ECEL1: variants seen among roughly 807,000 people sequenced by gnomAD.
The protein encoded by ECEL1 is endothelin-converting enzyme-like 1.
In ECEL1, 87 loss-of-function variants were observed where a neutral mutation model predicts 101.8. The observed-to-expected ratio is 0.85, with a 90% CI of 0.72 to 1.02. The LOEUF is 1.02. Among genes scored for constraint, ECEL1 ranks in the 50% least tolerant of loss-of-function variants. ECEL1 has a pLI of 0.00. For missense variants in ECEL1, 1,032 were observed against 1,079.2 expected, an observed-to-expected ratio of 0.96 and a Z score of 0.61; for synonymous variants, 487 against 468.7, an observed-to-expected ratio of 1.04 and a Z score of -0.50.
chr2:232,483,824 G>A (rs1690647384), intron 7 of ECEL1, among the ~76,000 whole-genome samples, 177 bp downstream of exon 7: 1 of 152,184 alleles, frequency 6.6e-6, no homozygotes, highest in Admixed American at 6.5e-5. Context: ...AAGCTTCCTG[G>A]AGGAGGAGGC....
intron 8 of ECEL1, 52 bp downstream of exon 8, chr2:232,483,364 G>C: frequency 6.4e-7 from 1 of 1,571,942 alleles, no homozygotes; most frequent in Non-Finnish European, 8.7e-7. Context: ...CTGGTACACA[G>C]TAGGTGCTCA....
At chr2:232,483,662 C>A in intron 7 of ECEL1, 148 bp from the exon 8 acceptor site, 1 of 700,322 alleles carries the variant, frequency 1.4e-6, no homozygotes, top group Non-Finnish European at 2.3e-6. Context: ...AGGTGAGGAT[C>A]CAGGCCCTGC....
At chr2:232,484,950 C>A (rs199732983) in intron 4 of ECEL1, 31 bp downstream of exon 4, 1 of 1,612,734 alleles carries the variant, frequency 6.2e-7, no homozygotes, top group South Asian at 1.1e-5. Context: ...TCCCTCAAGC[C>A]CAGGGCAGCC....
At chr2:232,484,328 C>G in intron 6 of ECEL1, 105 bp from the exon 7 acceptor site, 2 of 1,559,516 alleles carry the variant, frequency 1.3e-6, no homozygotes, top group Non-Finnish European at 1.7e-6. Context: ...GACCCAGGAC[C>G]CAGACAGCCC....
chr2:232,484,520 G>A lies in ECEL1; in HGVS notation c.1136C>T (p.Thr379Ile), dbSNP rs1013233150. The A allele has an allele frequency of 6.2e-7, 1 of 1,613,948 alleles. No homozygotes were observed. Among genetic ancestry groups the A allele is most frequent in the Non-Finnish European group, 8.5e-7 (1 of 1,180,020 alleles). ...CTGCGACACCTGCTGCATGTAGTCT[G>A]TCGCCAGCAGCACCACCTCCTCTTC... The part of the protein sequence containing the change: ...SEEEEVVLLA[T>I]DYMQQVSQLI... Residue 379 changes from threonine (T) to isoleucine (I), a missense_variant, in exon 6 of 18, where the codon ACA (threonine) becomes ATA (isoleucine). Transcript: ENST00000304546.
rs1328366719 is a variant in ECEL1, at chr2:232,480,715, C to T, written c.2151+3G>A. ...TCCCAGTCCAATCCCCCACCCAGCC[C>T]ACCTGGGCAAAGGCAATGAAGAAGA... On this transcript the variant is annotated splice_donor_region_variant and intron_variant, in intron 16 of 17. Coordinates refer to ENST00000304546, the MANE Select transcript of ECEL1 (RefSeq NM_004826.4). 5.0e-6 allele frequency: 8 copies of T among 1,613,928 alleles called. No individual in the cohort carries two copies. The East Asian group carries it at 8.9e-5, about 18-fold the overall frequency.
Position 232,480,787 on chromosome 2 carries a change from G to A in ECEL1, c.2082C>T (p.His694=), listed in dbSNP as rs559397283. 1.5e-5 allele frequency: 24 copies of A among 1,613,928 alleles called. No homozygotes were observed. The East Asian group carries it at 1.6e-4, about 10-fold the overall frequency. The stretch of plus-strand genomic sequence containing the variant: ...GCCGGGGAAGTGGGTGCTCTGGGCC[G>A]TGCTCCCGCACCCACTTCTGATAGG... ...YHAYQKWVRE[H]GPEHPLPRLK... Residue 694 remains histidine (H), a synonymous_variant, in exon 16 of 18, where the codon CAC becomes CAT. Transcript: ENST00000304546.
chr2:232,486,610 TG>T lies in ECEL1; in HGVS notation c.43del (p.Gln15LysfsTer6). The T allele has an allele frequency of 6.6e-7, 1 of 1,522,338 alleles. No individual in the cohort carries two copies. 94.3% of individuals were successfully genotyped at this position (1,522,338 alleles called of 1,614,324 possible). Reference protein sequence around the residue: ...YSLTAHYDEFQEVKYVSRCGA... With the variant: ...YSLTAHYDEFXEVKYVSRCGA... ...GCAGCGGCTCACGTACTTGACCTCTTGGAACTCATCGTAGTGCGCCGTCAGC... is the reference window on the plus strand; with the variant it reads ...GCAGCGGCTCACGTACTTGACCTCTTGAACTCATCGTAGTGCGCCGTCAGC... On this transcript the variant is annotated frameshift_variant, in exon 2 of 18. Transcript: ENST00000304546. LOFTEE classifies it high-confidence loss of function.
chr2:232,486,083 G>C lies in ECEL1; in HGVS notation c.571C>G (p.Arg191Gly), dbSNP rs1239757026. 4 of 1,599,400 alleles carry C rather than the reference G, an allele frequency of 2.5e-6. No homozygotes were observed. In the African/African-American group the frequency reaches 5.4e-5, roughly 21 times the overall value. The change falls in exon 2 of 18, where the codon CGC (arginine) becomes GGC (glycine). Residue 191 changes from arginine (R) to glycine (G), a missense_variant. Arg to Gly is a moderately radical substitution (Grantham distance 125). Transcript: ENST00000304546. ...CGCGGGCCCAGTCGCTCGATCTCGC[G>C]CATGTCGAGGCACGAGCGGAAGAAG... is the stretch of plus-strand genomic sequence containing the variant. ...RAFFRSCLDM[R>G]EIERLGPRPM... is the part of the protein sequence containing the mutation.
Position 232,483,866 on chromosome 2 carries a change from G to A in ECEL1, c.1407+135C>T, listed in dbSNP as rs991554408. 46 of 1,000,406 alleles carry A rather than the reference G, an allele frequency of 4.6e-5. No homozygotes were observed. In the East Asian group the frequency reaches 9.5e-4, roughly 21 times the overall value. 62.0% of individuals were successfully genotyped at this position (1,000,406 alleles called of 1,614,324 possible). A position where few individuals can be genotyped will look rare whatever the true frequency, so the allele number is the denominator to read the frequency against. On this transcript the variant is annotated intron_variant, in intron 7 of 17. Transcript: ENST00000304546. ...AGGAGCAGCCTGGGGCCTCAGAATC[G>A]GCTGAGTACTTAGCAGGGCCTGGTC... is the stretch of plus-strand genomic sequence containing the variant.
chr2:232,483,611 A>G, intron 7 of ECEL1, 97 bp from the exon 8 acceptor site: 1 of 994,748 alleles, frequency 1.0e-6, no homozygotes, highest in South Asian at 1.7e-5. Context: ...ACCACTTTCT[A>G]AGCCCAAACC....
At chr2:232,482,051 T>C (rs1431724226) in intron 12 of ECEL1, among the ~76,000 whole-genome samples, 1 of 152,182 alleles carries the variant, frequency 6.6e-6, no homozygotes, top group Non-Finnish European at 1.5e-5. Context: ...CAGCTTCTTT[T>C]AGGAAATCAC....
rs778903652 is a variant in ECEL1, at chr2:232,480,127, G to C, written c.*26C>G. On this transcript the variant is annotated 3_prime_UTR_variant, in exon 18 of 18. Coordinates refer to ENST00000304546, the MANE Select transcript of ECEL1 (RefSeq NM_004826.4). ...AGGAGGTGATTCGTGCGGGGGCAGT[G>C]GGGGCGTGCAGGCGGGCAGCCAGGC... 15 of 1,609,738 alleles carry C rather than the reference G, an allele frequency of 9.3e-6. No homozygotes were observed. The East Asian group carries it at 3.1e-4, about 34-fold the overall frequency.
Position 232,482,411 on chromosome 2 carries a change from T to A in ECEL1, c.1796+7A>T. 1 of 1,613,868 alleles carries A rather than the reference T, an allele frequency of 6.2e-7. No homozygotes were observed. Among genetic ancestry groups the A allele is most frequent in the Non-Finnish European group, 8.5e-7 (1 of 1,180,010 alleles). ...TCAGCCACAAACAGGGCAAGCTATG[T>A]ACTCACTGTGGGAAGTCAGGGTCGT... On this transcript the variant is annotated splice_region_variant and intron_variant, in intron 12 of 17. Coordinates refer to ENST00000304546, the MANE Select transcript of ECEL1 (RefSeq NM_004826.4).
intron 15 of ECEL1, 86 bp from the exon 16 acceptor site, chr2:232,480,899 T>C: frequency 7.0e-7 from 1 of 1,419,064 alleles, no homozygotes; most frequent in Non-Finnish European, 9.6e-7. Flanking sequence ...TAGCCCTCCC[T>C]GCTCTCCCTG....
In ECEL1 at chr2:232,480,077, G is replaced by A. The variant is rs535541852; in HGVS notation, c.*76C>T. 1.8e-5 allele frequency: 27 copies of A among 1,464,856 alleles called. No individual in the cohort carries two copies. In the South Asian group the frequency reaches 2.0e-4, roughly 11 times the overall value. The allele number at this position is 1,464,856 out of a possible 1,614,324, so 90.7% of individuals were successfully genotyped here. A position where few individuals can be genotyped will look rare whatever the true frequency, so the allele number is the denominator to read the frequency against. Reference sequence around the variant, plus strand: ...GTGCCCAGAGCGGGGCTGGCACCGGGTGCATGCCTGCCCCGGTAGCCAGCA... The same window carrying A: ...GTGCCCAGAGCGGGGCTGGCACCGGATGCATGCCTGCCCCGGTAGCCAGCA... On this transcript the variant is annotated 3_prime_UTR_variant, in exon 18 of 18. Coordinates refer to ENST00000304546, the MANE Select transcript of ECEL1 (RefSeq NM_004826.4).
At chr2:232,482,356 T>C (rs1690601740) in intron 12 of ECEL1, 62 bp downstream of exon 12, 1 of 1,608,744 alleles carries the variant, frequency 6.2e-7, no homozygotes, top group Non-Finnish European at 8.5e-7. Context: ...ACACACCTGG[T>C]AGACAAGGTC....
chr2:232,481,187 C>T lies in ECEL1; in HGVS notation c.1990-31G>A, dbSNP rs780035243. The T allele has an allele frequency of 4.2e-5, 65 of 1,552,044 alleles. No homozygotes were observed. In the South Asian group the frequency reaches 7.1e-4, roughly 17 times the overall value. On this transcript the variant is annotated intron_variant, in intron 14 of 17. Transcript: ENST00000304546. ...GGGAAGGGAAGAGGCCAGGGGGCTGCTTGGGGCCCAGCTGGCCTCCCTCAG... is the reference window on the plus strand; with the variant it reads ...GGGAAGGGAAGAGGCCAGGGGGCTGTTTGGGGCCCAGCTGGCCTCCCTCAG...
chr2:232,480,556 A>G, intron 16 of ECEL1, 81 bp from the exon 17 acceptor site: 1 of 1,569,006 alleles, frequency 6.4e-7, no homozygotes. Flanking sequence ...CCAGCACACA[A>G]GGCGGTAGGC....
Sources: allele counts gnomAD v4.1 joint callset (sites outside exome capture counted in the v4.1 genomes callset), GRCh38; gene constraint gnomAD v4.1.1; transcripts MANE v1.5; gene names NCBI Gene and HGNC (gene_info 2026-07-23, HGNC 2026-07-21).